Variants in LPP observed in about 807,000 individuals in gnomAD.
LPP encodes LIM domain containing preferred translocation partner in lipoma, also known as lipoma-preferred partner.
Under a neutral mutation model 60.4 loss-of-function variants are expected in LPP, and 38 were observed. That is an observed-to-expected ratio of 0.63 (90% CI 0.49 to 0.83). The LOEUF (loss-of-function observed/expected upper bound fraction) is 0.83, where lower values mean the gene tolerates loss of function less well. Ranked by LOEUF, LPP falls within the 40% of genes least tolerant of loss-of-function variation. The probability of loss-of-function intolerance (pLI) is 0.00; values close to 1 mark genes in which losing one functional copy is unlikely to be tolerated. For synonymous variants in LPP, 328 were observed against 290.8 expected (o/e 1.13, Z -1.30); for missense variants, 902 against 783.6 (o/e 1.15, Z -1.80).
intron 2 of LPP, chr3:188,240,216 A>G (rs576755171): frequency 1.7e-5 from 3 of 178,156 alleles, no homozygotes; most frequent in East Asian, 1.9e-4. Context: ...TTCATAAACT[A>G]ATTTAAAAAT....
intron 9 of LPP, among the ~76,000 whole-genome samples, chr3:188,814,095 A>G (rs1325111430): frequency 6.6e-6 from 1 of 152,060 alleles, no homozygotes; most frequent in Non-Finnish European, 1.5e-5. Context: ...ACACACATAC[A>G]TACAGACCCA....
At chr3:188,813,097 A>G (rs1279975216) in intron 9 of LPP, among the ~76,000 whole-genome samples, 1 of 152,138 alleles carries the variant, frequency 6.6e-6, no homozygotes, top group Non-Finnish European at 1.5e-5. Context: ...CAAATTTAGC[A>G]TTTGGAGCTT....
chr3:188,329,638 T>A (rs981735314), intron 2 of LPP, among the ~76,000 whole-genome samples: 1 of 152,152 alleles, frequency 6.6e-6, no homozygotes, highest in Non-Finnish European at 1.5e-5. Flanking sequence ...ATAATTCCGT[T>A]TTTTAAAAAA....
chr3:188,352,447 C>T lies in LPP; in HGVS notation c.-10+10728C>T, dbSNP rs1423696169. The stretch of plus-strand genomic sequence containing the variant: ...ACAATAGAAGCTGTTGATGTGGTCA[C>T]GTCAGTGCCTCTTCGGGAGCTGTGT... On this transcript the variant is annotated intron_variant, in intron 3 of 11. Coordinates refer to ENST00000617246, the MANE Select transcript of LPP (RefSeq NM_001375462.1). The surrounding 1 kb of genome is among the most constrained non-coding windows in gnomAD (Gnocchi z 4.4). 3.9e-5 allele frequency among the ~76,000 whole-genome samples: 6 copies of T among 152,166 alleles called. No individual in the cohort carries two copies. The highest frequency in any genetic ancestry group is 2.1e-4 in the South Asian group (1 of 4,834).
chr3:188,153,837 C>T (rs1019319222), upstream of LPP: 1 of 150,566 alleles, frequency 6.6e-6, no homozygotes, highest in East Asian at 2.0e-4. Context: ...CTCAGGGCAC[C>T]GCACGGGAGA....
intron 3 of LPP, among the ~76,000 whole-genome samples, chr3:188,388,055 C>T (rs1247642208): frequency 6.6e-6 from 1 of 151,952 alleles, no homozygotes; most frequent in Non-Finnish European, 1.5e-5. Context: ...TATGTTTCCA[C>T]ATGCCTCATT....
At chr3:188,495,082 A>ATATATATATATATATATATATATATATTT (rs1342207321) in intron 5 of LPP, among the ~76,000 whole-genome samples, 3 of 97,244 alleles carry the variant, frequency 3.1e-5, no homozygotes, top group South Asian at 3.2e-4. Flanking sequence ...ATATATATAT[A>ATATATATATATATATATATATATATATTT]TTTTATTTAT....
chr3:188,265,991 C>G (rs866610645), intron 2 of LPP, among the ~76,000 whole-genome samples: 1 of 151,898 alleles, frequency 6.6e-6, no homozygotes, highest in Non-Finnish European at 1.5e-5. Flanking sequence ...CATTGCCTGT[C>G]TTTATATGTC....
rs867620253 is a variant in LPP, at chr3:188,817,343, A to C, written c.1411-48857A>C. Among the ~76,000 whole-genome samples, 6 of 152,326 alleles carry C rather than the reference A, an allele frequency of 3.9e-5. No homozygotes were observed. The South Asian group carries it at 1.2e-3, about 32-fold the overall frequency. On this transcript the variant is annotated intron_variant, in intron 9 of 11. Transcript: ENST00000617246. Reference sequence around the variant, plus strand: ...TAGACTCCAGTGTGTAGTAGTGGGCAGTGACCTACCAGATGACCTCTTTGA... The same window carrying C: ...TAGACTCCAGTGTGTAGTAGTGGGCCGTGACCTACCAGATGACCTCTTTGA...
chr3:188,850,095 ATG>A (rs1305058150), intron 9 of LPP, among the ~76,000 whole-genome samples: 1 of 152,208 alleles, frequency 6.6e-6, no homozygotes, highest in Non-Finnish European at 1.5e-5. Flanking sequence ...TAGTTTTTGA[ATG>A]AAGTTTTTAG....
chr3:188,521,929 G>C (rs759851479), intron 5 of LPP, among the ~76,000 whole-genome samples: 1 of 152,180 alleles, frequency 6.6e-6, no homozygotes, highest in Non-Finnish European at 1.5e-5. Context: ...ACTTTACTCA[G>C]TTTTTAGTTG....
chr3:188,652,836 T>C (rs925737415), intron 7 of LPP, among the ~76,000 whole-genome samples: 1 of 152,068 alleles, frequency 6.6e-6, no homozygotes, highest in Non-Finnish European at 1.5e-5. Flanking sequence ...TAACCATAGG[T>C]CTCCATCCCT....
chr3:188,593,511 C>T (rs961756133), intron 6 of LPP, among the ~76,000 whole-genome samples: 13 of 151,976 alleles, frequency 8.6e-5, no homozygotes, highest in South Asian at 4.1e-4. Flanking sequence ...AGTTCTTTAA[C>T]GGACATTTGT....
chr3:188,169,526 AAGGGTCCTGT>A (rs1409934514), intron 1 of LPP, among the ~76,000 whole-genome samples: 3 of 152,250 alleles, frequency 2.0e-5, no homozygotes, highest in Non-Finnish European at 4.4e-5. Flanking sequence ...TTATTAAGAA[AAGGGTCCTGT>A]AGCCAAGTAA....
chr3:188,166,961 G>A (rs2148759232), intron 1 of LPP, among the ~76,000 whole-genome samples: 1 of 152,298 alleles, frequency 6.6e-6, no homozygotes, highest in Non-Finnish European at 1.5e-5. Flanking sequence ...AGAGGTTACA[G>A]TTTTTGTGTC....
At chr3:188,775,756 C>T (rs1483261034) in intron 9 of LPP, among the ~76,000 whole-genome samples, 1 of 152,122 alleles carries the variant, frequency 6.6e-6, no homozygotes, top group African/African-American at 2.4e-5. Flanking sequence ...CACCAACTTG[C>T]CAATGTAATT....
intron 7 of LPP, among the ~76,000 whole-genome samples, chr3:188,663,468 A>G (rs1164816323): frequency 6.6e-6 from 1 of 152,198 alleles, no homozygotes; most frequent in African/African-American, 2.4e-5. Context: ...ACAAGTTTTT[A>G]CTTTTCTTTT....
At chr3:188,357,086 C>T (rs937710977) in intron 3 of LPP, among the ~76,000 whole-genome samples, 1 of 152,080 alleles carries the variant, frequency 6.6e-6, no homozygotes, top group Non-Finnish European at 1.5e-5. Context: ...ATGTATGTCC[C>T]CAGACATGGT....
chr3:188,858,481 A>C (rs1397285768), intron 9 of LPP, among the ~76,000 whole-genome samples: 4 of 152,236 alleles, frequency 2.6e-5, no homozygotes, highest in East Asian at 1.9e-4. Context: ...AATGTTCTAT[A>C]ATTGAGATTT....
Sources: gnomAD v4.1 joint callset for allele counts (sites outside exome capture counted in the v4.1 genomes callset) on GRCh38, gnomAD v4.1.1 for gene constraint, Gnocchi (gnomAD v3.1) non-coding constraint, MANE v1.5 for transcripts, NCBI Gene and HGNC (gene_info 2026-07-23, HGNC 2026-07-21) for gene names.